RP1: variants seen among roughly 807,000 people sequenced by gnomAD.
RP1 encodes the protein oxygen-regulated protein 1.
In RP1, 16 loss-of-function variants were observed where a neutral mutation model predicts 14.8. That is an observed-to-expected ratio of 1.08 (90% CI 0.73 to 1.65). The LOEUF is 1.65. Among genes scored for constraint, RP1 ranks in the 40% most tolerant of loss-of-function variants. The pLI is 0.00. For missense variants in RP1, 2,631 were observed against 2,535.0 expected (o/e 1.04, Z -0.81); for synonymous variants, 876 against 883.6 (o/e 0.99, Z 0.15).
chr8:54,660,120 G>A (rs1408034553), intron 6 of RP1, among the ~76,000 whole-genome samples: 1 of 151,954 alleles, frequency 6.6e-6, no homozygotes, highest in Non-Finnish European at 1.5e-5. Context: ...TATATAACCT[G>A]CAAACAGCGA....
At chr8:54,726,307 T>C in intron 16 of RP1, 1 of 1,497,158 alleles carries the variant, frequency 6.7e-7, no homozygotes, top group Non-Finnish European at 8.8e-7. Flanking sequence ...AAACAAGTGA[T>C]TTTGAAAGGA....
chr8:54,831,052 C>T (rs1303931218), intron 24 of RP1, among the ~76,000 whole-genome samples: 1 of 152,176 alleles, frequency 6.6e-6, no homozygotes, highest in African/African-American at 2.4e-5. Flanking sequence ...CTTTTTATGG[C>T]TGAATAATAT....
rs1275620846 is a variant in RP1, at chr8:54,629,006, T to C, written c.5124T>C (p.Ala1708=). The part of the protein sequence containing the change: ...EERQDKCDVS[A]VRDNYCRGDI... ...GACAAGATAAGTGTGATGTTAGTGC[T>C]GTGAGGGACAATTATTGTAGGGGTG... Residue 1708 remains alanine, a synonymous_variant, in exon 4 of 4, where the codon GCT becomes GCC. Coordinates refer to ENST00000220676, the MANE Select transcript of RP1 (RefSeq NM_006269.2). 2.5e-6 allele frequency: 4 copies of C among 1,614,094 alleles called. No individual in the cohort carries two copies. Among genetic ancestry groups the C allele is most frequent in the East Asian group, 2.2e-5 (1 of 44,876 alleles).
chr8:54,808,181 A>C (rs947421433), intron 24 of RP1, among the ~76,000 whole-genome samples: 10 of 152,346 alleles, frequency 6.6e-5, no homozygotes, highest in Admixed American at 4.6e-4. Flanking sequence ...CTCTCCTCCC[A>C]GAATCAGGAG....
downstream of RP1, among the ~76,000 whole-genome samples, chr8:54,632,070 G>A (rs1187034413): frequency 6.6e-6 from 1 of 151,950 alleles, no homozygotes; most frequent in Admixed American, 6.5e-5. Context: ...TTGAACTTCC[G>A]ACCTCAGGTG....
At chr8:54,834,604 C>T (rs754847714) in intron 24 of RP1, among the ~76,000 whole-genome samples, 3 of 149,208 alleles carry the variant, frequency 2.0e-5, no homozygotes, top group Non-Finnish European at 4.5e-5. Flanking sequence ...AAATTTTTAC[C>T]CAGGATGTGT....
At chr8:54,703,845 A>T (rs1359080338) in intron 14 of RP1, among the ~76,000 whole-genome samples, 1 of 152,174 alleles carries the variant, frequency 6.6e-6, no homozygotes, top group Non-Finnish European at 1.5e-5. Context: ...TGTTACGAAG[A>T]TGGCTTCTTT....
intron 19 of RP1, among the ~76,000 whole-genome samples, chr8:54,741,707 G>GTGTATATATA (rs1554528860): frequency 1.7e-4 from 10 of 58,024 alleles, no homozygotes; most frequent in South Asian, 7.7e-4. Context: ...AAATGTGTGT[G>GTGTATATATA]TATATATATA....
chr8:54,870,462 A>C (rs1812563750), exon 29 of RP1: 1 of 152,190 alleles, frequency 6.6e-6, no homozygotes, highest in Non-Finnish European at 1.5e-5. Flanking sequence ...AAAATCAATA[A>C]GAAAATGTAG....
chr8:54,633,973 C>T (rs1349700337), downstream of RP1, among the ~76,000 whole-genome samples: 5 of 151,960 alleles, frequency 3.3e-5, no homozygotes, highest in African/African-American at 9.7e-5. Flanking sequence ...AGCACTTTTA[C>T]TTTAATATCT....
intron 1 of RP1, among the ~76,000 whole-genome samples, chr8:54,578,269 C>T (rs1804705090): frequency 6.6e-6 from 1 of 152,118 alleles, no homozygotes; most frequent in Middle Eastern, 3.2e-3. Context: ...TGCAGTGGTG[C>T]AATCATAGCT....
chr8:54,728,147 T>A (rs1808703801), intron 17 of RP1, among the ~76,000 whole-genome samples: 1 of 152,062 alleles, frequency 6.6e-6, no homozygotes, highest in Admixed American at 6.6e-5. Flanking sequence ...GTGGGAGTGG[T>A]TTTATAAGCA....
At chr8:54,696,929 G>A in intron 12 of RP1, 1 of 891,612 alleles carries the variant, frequency 1.1e-6, no homozygotes, top group Non-Finnish European at 1.9e-6. Context: ...GGAGCACCTG[G>A]GGAAGTTTGA....
At chr8:54,587,600 T>C (rs768085538) in intron 1 of RP1, among the ~76,000 whole-genome samples, 57 of 152,114 alleles carry the variant, frequency 3.7e-4, no homozygotes, top group Non-Finnish European at 5.4e-4. Flanking sequence ...TACTGGGAAG[T>C]TGAAAATTTA....
chr8:54,792,025 A>G (rs929034192), intron 24 of RP1, among the ~76,000 whole-genome samples: 3 of 152,060 alleles, frequency 2.0e-5, no homozygotes, highest in Non-Finnish European at 4.4e-5. Flanking sequence ...ACTTTCCATG[A>G]AATGATAATC....
At chr8:54,734,563 A>G in exon 18 of RP1, 1 of 1,535,024 alleles carries the variant, frequency 6.5e-7, no homozygotes, top group South Asian at 1.2e-5. Context: ...AGACATTTCC[A>G]AAGTAGTGAG....
intron 23 of RP1, among the ~76,000 whole-genome samples, chr8:54,777,722 T>C (rs763596839): frequency 6.6e-6 from 1 of 152,208 alleles, no homozygotes; most frequent in Non-Finnish European, 1.5e-5. Context: ...CATAGAATTA[T>C]TTGGAGATAA....
At chr8:54,698,257 A>G (rs1306847562) in intron 12 of RP1, among the ~76,000 whole-genome samples, 1 of 152,244 alleles carries the variant, frequency 6.6e-6, no homozygotes, top group Non-Finnish European at 1.5e-5. Context: ...CAAAAGAGAC[A>G]TTTATGCAGC....
intron 24 of RP1, among the ~76,000 whole-genome samples, chr8:54,814,705 C>A (rs1341714164): frequency 6.6e-6 from 1 of 152,200 alleles, no homozygotes; most frequent in Non-Finnish European, 1.5e-5. Flanking sequence ...ACATTTGATG[C>A]CACTCAAATC....
Sources: gnomAD v4.1 joint callset for allele counts (sites outside exome capture counted in the v4.1 genomes callset) on GRCh38, gnomAD v4.1.1 for gene constraint, MANE v1.5 for transcripts, NCBI Gene and HGNC (gene_info 2026-07-23, HGNC 2026-07-21) for gene names.